CHODL: variants seen among roughly 807,000 people sequenced by gnomAD.
The protein encoded by CHODL is chondrolectin.
In CHODL, 29 loss-of-function variants were observed where a neutral mutation model predicts 34.5. That is an observed-to-expected ratio of 0.84 (90% CI 0.63 to 1.15). The LOEUF (loss-of-function observed/expected upper bound fraction) is 1.15. Ranked by LOEUF, CHODL falls within the 50% of genes most tolerant of loss-of-function variation. The pLI, the probability that CHODL is intolerant of heterozygous loss-of-function variation, is 0.00. For missense variants in CHODL, 332 were observed against 332.5 expected, an observed-to-expected ratio of 1.00 and a Z score of 0.01; for synonymous variants, 125 against 116.1, an observed-to-expected ratio of 1.08 and a Z score of -0.49.
intron 2 of CHODL, among the ~76,000 whole-genome samples, chr21:18,157,658 A>G (rs1428805456): frequency 3.9e-5 from 6 of 152,242 alleles, no homozygotes; most frequent in African/African-American, 1.4e-4. Flanking sequence ...CATCATCTCT[A>G]GTAATTACTG....
intron 2 of CHODL, among the ~76,000 whole-genome samples, chr21:18,222,676 T>G (rs911000091): frequency 5.3e-5 from 8 of 152,198 alleles, no homozygotes; most frequent in African/African-American, 1.9e-4. Context: ...CTCACTGTGC[T>G]GCAATCTTAA....
intron 2 of CHODL, among the ~76,000 whole-genome samples, chr21:18,090,094 TACTG>T (rs2065053823): frequency 6.6e-6 from 1 of 152,220 alleles, no homozygotes; most frequent in African/African-American, 2.4e-5. Context: ...TATCAGTGCA[TACTG>T]ACTAATTACA....
intron 2 of CHODL, among the ~76,000 whole-genome samples, chr21:18,227,305 T>C (rs967024356): frequency 6.6e-6 from 1 of 152,186 alleles, no homozygotes; most frequent in African/African-American, 2.4e-5. Flanking sequence ...TTAAATACTA[T>C]AGAATTTTCT....
chr21:18,182,940 A>G (rs959639169), intron 2 of CHODL, among the ~76,000 whole-genome samples: 1 of 152,216 alleles, frequency 6.6e-6, no homozygotes, highest in Non-Finnish European at 1.5e-5. Context: ...GAGGTAGGCC[A>G]AGAGGGTAGC....
intron 1 of CHODL, among the ~76,000 whole-genome samples, chr21:17,936,825 C>T (rs753407050): frequency 7.9e-5 from 12 of 152,094 alleles, no homozygotes; most frequent in East Asian, 1.9e-4. Flanking sequence ...CCTTTAATCT[C>T]GGCAACGTGG....
At chr21:18,030,867 A>G (rs2146439316) in intron 2 of CHODL, among the ~76,000 whole-genome samples, 1 of 152,278 alleles carries the variant, frequency 6.6e-6, no homozygotes, top group South Asian at 2.1e-4. Flanking sequence ...AGGTATGTGG[A>G]ATTTAAAGTC....
intron 1 of CHODL, among the ~76,000 whole-genome samples, chr21:17,929,660 C>T (rs1275881302): frequency 2.0e-5 from 3 of 152,182 alleles, no homozygotes; most frequent in African/African-American, 7.2e-5. Context: ...ACAATCCTAG[C>T]GATGGGAGAG....
chr21:18,006,755 A>G (rs1279063915), intron 1 of CHODL, among the ~76,000 whole-genome samples: 5 of 152,232 alleles, frequency 3.3e-5, no homozygotes, highest in Admixed American at 6.5e-5. Context: ...CATCCTTTGT[A>G]ACTCTTCCCA....
At chr21:18,055,828 A>C (rs993368775) in intron 2 of CHODL, among the ~76,000 whole-genome samples, 4 of 152,082 alleles carry the variant, frequency 2.6e-5, no homozygotes, top group Non-Finnish European at 2.9e-5. Flanking sequence ...GAATATGTTC[A>C]TAAGAATTCA....
intron 2 of CHODL, among the ~76,000 whole-genome samples, chr21:18,099,213 C>T (rs1169182740): frequency 6.6e-6 from 1 of 151,894 alleles, no homozygotes; most frequent in African/African-American, 2.4e-5. Context: ...TTTAATTGTA[C>T]ATTTTAAAAT....
intron 2 of CHODL, among the ~76,000 whole-genome samples, chr21:18,113,994 G>A (rs1171530775): frequency 6.6e-6 from 1 of 152,186 alleles, no homozygotes. Flanking sequence ...TTACAACAAC[G>A]TGGATGGAAC....
chr21:18,045,914 C>T (rs1056844335), intron 2 of CHODL, among the ~76,000 whole-genome samples: 5 of 151,954 alleles, frequency 3.3e-5, no homozygotes, highest in African/African-American at 1.2e-4. Context: ...TCACCAGACA[C>T]TGAACCTGCC....
intron 2 of CHODL, among the ~76,000 whole-genome samples, chr21:18,129,087 GA>G (rs1601041867): frequency 6.6e-6 from 1 of 151,166 alleles, no homozygotes; most frequent in Admixed American, 6.6e-5. Flanking sequence ...TATTTTATTG[GA>G]TTTTTTTGTC....
chr21:18,228,647 A>T (rs2073952668), intron 2 of CHODL, among the ~76,000 whole-genome samples: 1 of 152,096 alleles, frequency 6.6e-6, no homozygotes, highest in South Asian at 2.1e-4. Context: ...GCTAGAAGAG[A>T]ACTTGTACAT....
In CHODL at chr21:18,150,826, C is replaced by G. The variant is rs554332324; in HGVS notation, c.-44-105683C>G. Reference sequence around the variant, plus strand: ...ACCTGGCCGGCATGGTGGCTCACTTCTGTAATCCCAGCACTTTGGGAGGCC... The same window carrying G: ...ACCTGGCCGGCATGGTGGCTCACTTGTGTAATCCCAGCACTTTGGGAGGCC... On this transcript the variant is annotated intron_variant, in intron 2 of 6. Transcript: ENST00000400127. Among the ~76,000 whole-genome samples the G allele has an allele frequency of 3.3e-5, 5 of 152,222 alleles. No individual in the cohort carries two copies. In the East Asian group the frequency reaches 9.7e-4, roughly 30 times the overall value.
intron 2 of CHODL, among the ~76,000 whole-genome samples, chr21:18,193,733 AAATAAAT>A (rs2073545934): frequency 6.7e-6 from 1 of 150,262 alleles, no homozygotes; most frequent in Admixed American, 6.6e-5. Context: ...ATAAATAAAT[AAATAAAT>A]AAATAAAAAA....
In CHODL at chr21:18,146,386, C is replaced by G. The variant is rs531158938; in HGVS notation, c.-44-110123C>G. On this transcript the variant is annotated intron_variant, in intron 2 of 6. Coordinates refer to the CHODL transcript ENST00000400127. ...TTGAATTGTAATCTGAATTGTAATA[C>G]CCACATAGTGGGGGCGGGACATTTT... is the stretch of plus-strand genomic sequence containing the variant. Among the ~76,000 whole-genome samples the G allele has an allele frequency of 7.7e-4, 117 of 152,180 alleles. 1 individual carries two copies. The highest frequency in any genetic ancestry group is 2.8e-3 in the African/African-American group (115 of 41,530).
chr21:18,136,105 C>CAAA (rs67552520), intron 2 of CHODL, among the ~76,000 whole-genome samples: 5,041 of 88,906 alleles, frequency 0.057, 335 homozygotes, highest in African/African-American at 0.11. Flanking sequence ...GATTATGTCT[C>CAAA]AAAAAAAAAA....
intron 2 of CHODL, among the ~76,000 whole-genome samples, chr21:18,088,514 G>T (rs1479205894): frequency 6.6e-6 from 1 of 152,094 alleles, no homozygotes; most frequent in Admixed American, 6.6e-5. Flanking sequence ...AGACCCAGTG[G>T]GTCAAGGGTT....
Sources: allele counts gnomAD v4.1 joint callset (sites outside exome capture counted in the v4.1 genomes callset), GRCh38; gene constraint gnomAD v4.1.1; transcripts MANE v1.5; gene names NCBI Gene and HGNC (gene_info 2026-07-23, HGNC 2026-07-21).